Variants in CSMD3 observed in about 807,000 individuals in gnomAD.
CSMD3 encodes the protein CUB and Sushi multiple domains 3, also known as CUB and sushi domain-containing protein 3.
CSMD3 carries 177 observed loss-of-function variants against 435.2 expected under a neutral mutation model. The ratio of observed to expected loss-of-function variants is 0.41; its 90% CI spans 0.36 to 0.46. The LOEUF is 0.46. Among genes scored for constraint, CSMD3 ranks in the 20% least tolerant of loss-of-function variants. The pLI, the probability that CSMD3 is intolerant of heterozygous loss-of-function variation, is 0.34. For missense variants in CSMD3, 4,265 were observed against 4,504.6 expected, an observed-to-expected ratio of 0.95 and a Z score of 1.52; for synonymous variants, 1,656 against 1,520.5, an observed-to-expected ratio of 1.09 and a Z score of -2.07.
At chr8:112,235,777 A>G (rs1236066384) in intron 67 of CSMD3, among the ~76,000 whole-genome samples, 1 of 152,190 alleles carries the variant, frequency 6.6e-6, no homozygotes, top group African/African-American at 2.4e-5. Flanking sequence ...GGAGGAAGAT[A>G]TAAAAGTAAT....
At chr8:113,319,815 A>G (rs2093936933) in intron 1 of CSMD3, among the ~76,000 whole-genome samples, 1 of 152,074 alleles carries the variant, frequency 6.6e-6, no homozygotes, top group Non-Finnish European at 1.5e-5. Flanking sequence ...TTGTAAATAC[A>G]TTTCTAAGTG....
intron 2 of CSMD3, among the ~76,000 whole-genome samples, chr8:113,297,942 A>C (rs111237639): frequency 2.0e-5 from 3 of 152,096 alleles, no homozygotes; most frequent in Non-Finnish European, 4.4e-5. Context: ...GATGTGATTA[A>C]GCAGAAGAGA....
At chr8:112,381,033 C>G (rs986047460) in intron 37 of CSMD3, among the ~76,000 whole-genome samples, 2 of 152,232 alleles carry the variant, frequency 1.3e-5, no homozygotes, top group Admixed American at 1.3e-4. Flanking sequence ...GAATAAAACA[C>G]AGTTTGCAAA....
At chr8:113,393,000 T>G (rs371156359) in intron 1 of CSMD3, among the ~76,000 whole-genome samples, 4 of 151,704 alleles carry the variant, frequency 2.6e-5, no homozygotes, top group Admixed American at 6.6e-5. Context: ...TATATATATA[T>G]ACACATGTGT....
At chr8:112,417,352 C>A (rs1282235441) in intron 32 of CSMD3, among the ~76,000 whole-genome samples, 2 of 152,074 alleles carry the variant, frequency 1.3e-5, no homozygotes, top group Non-Finnish European at 2.9e-5. Flanking sequence ...AAGTACCTGA[C>A]CTCCTAGGAT....
intron 13 of CSMD3, among the ~76,000 whole-genome samples, chr8:112,705,632 C>A (rs1163186184): frequency 6.6e-6 from 1 of 151,870 alleles, no homozygotes; most frequent in Non-Finnish European, 1.5e-5. Context: ...TCCTCCCCTG[C>A]ATCACAAAAA....
At chr8:113,029,357 A>G (rs1352974927) in intron 5 of CSMD3, among the ~76,000 whole-genome samples, 1 of 151,622 alleles carries the variant, frequency 6.6e-6, no homozygotes, top group Non-Finnish European at 1.5e-5. Flanking sequence ...CTTGATGAAT[A>G]TAGATGCTAA....
At chr8:113,262,451 C>T (rs2093434830) in intron 3 of CSMD3, among the ~76,000 whole-genome samples, 1 of 151,978 alleles carries the variant, frequency 6.6e-6, no homozygotes, top group Non-Finnish European at 1.5e-5. Context: ...ATTTCCACTC[C>T]TTCCCCATGA....
intron 38 of CSMD3, among the ~76,000 whole-genome samples, chr8:112,378,017 G>T (rs529262076): frequency 3.9e-5 from 6 of 152,124 alleles, no homozygotes; most frequent in East Asian, 1.9e-4. Context: ...ACAAGAAATA[G>T]AAATAAAAGG....
rs28377604 is a variant in CSMD3 at position 112,418,670 on chromosome 8, A to C, written c.5396-9638T>G. On this transcript the variant is annotated intron_variant, in intron 32 of 70. Coordinates refer to ENST00000297405, the MANE Select transcript of CSMD3 (RefSeq NM_198123.2). ...AAGCATCAGAAAGCCAGAATCTTAA[A>C]AATCAGTACCAAATCAAATCAATGA... Among the ~76,000 whole-genome samples, 717 of 152,318 alleles carry C rather than the reference A, an allele frequency of 4.7e-3. 6 individuals are homozygous for C. Among genetic ancestry groups the C allele is most frequent in the African/African-American group, 0.017 (697 of 41,572 alleles).
intron 35 of CSMD3, among the ~76,000 whole-genome samples, chr8:112,403,295 TAA>T (rs1387138157): frequency 6.6e-6 from 1 of 152,202 alleles, no homozygotes. Flanking sequence ...TCTGCCACTT[TAA>T]AGAGAACTAT....
chr8:112,687,630 T>C (rs2076040889), intron 14 of CSMD3, among the ~76,000 whole-genome samples: 1 of 152,138 alleles, frequency 6.6e-6, no homozygotes, highest in Admixed American at 6.6e-5. Context: ...ATTTTATCAT[T>C]CAAAAATATT....
intron 42 of CSMD3, among the ~76,000 whole-genome samples, chr8:112,338,463 C>T (rs1406067224): frequency 1.3e-5 from 2 of 152,076 alleles, no homozygotes; most frequent in African/African-American, 2.4e-5. Flanking sequence ...GACCTATGAA[C>T]AGGGCCTATT....
intron 7 of CSMD3, among the ~76,000 whole-genome samples, chr8:112,963,202 T>C (rs2084296116): frequency 6.6e-6 from 1 of 151,972 alleles, no homozygotes; most frequent in African/African-American, 2.4e-5. Flanking sequence ...TAGGACTTTG[T>C]CCAACATCTC....
chr8:112,480,619 C>T (rs768049506), intron 31 of CSMD3, among the ~76,000 whole-genome samples: 1 of 152,026 alleles, frequency 6.6e-6, no homozygotes, highest in East Asian at 1.9e-4. Context: ...CCATGTAGCA[C>T]CTTCCCCCTC....
intron 2 of CSMD3, among the ~76,000 whole-genome samples, chr8:113,293,936 TTAAG>T (rs1172847842): frequency 6.6e-6 from 1 of 152,100 alleles, no homozygotes; most frequent in Non-Finnish European, 1.5e-5. Flanking sequence ...AGATCACGGT[TTAAG>T]TGTTATTTTT....
intron 25 of CSMD3, among the ~76,000 whole-genome samples, chr8:112,554,402 T>A (rs2131212132): frequency 6.6e-6 from 1 of 152,146 alleles, no homozygotes; most frequent in South Asian, 2.1e-4. Context: ...TTATCACCAT[T>A]TATGGTTTTT....
intron 31 of CSMD3, among the ~76,000 whole-genome samples, chr8:112,482,007 TA>T (rs545753557): frequency 0.017 from 2,542 of 146,706 alleles, 70 homozygotes; most frequent in African/African-American, 0.057. Flanking sequence ...TTTTTAATAC[TA>T]AAAAAAAAAA....
chr8:113,168,147 A>G (rs989718893), intron 4 of CSMD3, among the ~76,000 whole-genome samples: 6 of 152,110 alleles, frequency 3.9e-5, no homozygotes, highest in Non-Finnish European at 7.4e-5. Context: ...AGAGAGTTAC[A>G]ATAACACATT....
Sources: gnomAD v4.1 joint callset for allele counts (sites outside exome capture counted in the v4.1 genomes callset) on GRCh38, gnomAD v4.1.1 for gene constraint, MANE v1.5 for transcripts, NCBI Gene and HGNC (gene_info 2026-07-23, HGNC 2026-07-21) for gene names.